The following TAF6 variants were observed in gnomAD, a reference collection of about 807,000 sequenced individuals.
The protein encoded by TAF6 is TATA-box binding protein associated factor 6.
Under a neutral mutation model 73.5 loss-of-function variants are expected in TAF6, and 50 were observed. That is an observed-to-expected ratio of 0.68 (90% CI 0.54 to 0.86). TAF6 has a LOEUF of 0.86. Among genes scored for constraint, TAF6 ranks in the 40% least tolerant of loss-of-function variants. TAF6 has a pLI of 0.00. For synonymous variants in TAF6, 424 were observed against 376.7 expected (o/e 1.13, Z -1.45); for missense variants, 768 against 899.5 (o/e 0.85, Z 1.87).
Position 100,110,272 on chromosome 7 carries a change from G to C in TAF6, c.1086C>G (p.Ser362Arg), listed in dbSNP as rs1304456108. The change falls in exon 11 of 15, where the codon AGC becomes AGG. Residue 362 changes from serine to arginine, a missense_variant and splice_region_variant. Around this residue, in one of 5 missense-constraint regions of TAF6, gnomAD observed 69 missense variants for 105.4 expected, o/e 0.65. Coordinates refer to ENST00000453269, the MANE Select transcript of TAF6 (RefSeq NM_139315.3). ...QSRITKTFTK[S>R]WVDEKTPWTT... ...TCCAGGGCGTCTTCTCGTCCACCCA[G>C]CTCTGTAAGGGGAAGGAAATAAACT... 6.2e-7 allele frequency: 1 copy of C among 1,613,986 alleles called. No homozygotes were observed. The highest frequency in any genetic ancestry group is 8.5e-7 in the Non-Finnish European group (1 of 1,179,924).
upstream of TAF6, chr7:100,122,209 C>T (rs1798092370): frequency 5.6e-6 from 9 of 1,608,456 alleles, no homozygotes; most frequent in Non-Finnish European, 6.8e-6. Flanking sequence ...GAATGAATGG[C>T]TGGTGTGTTT....
chr7:100,122,675 A>G, upstream of TAF6: 2 of 1,516,752 alleles, frequency 1.3e-6, no homozygotes, highest in South Asian at 1.2e-5. Context: ...TCTCACCATC[A>G]TGGAACTCAC....
upstream of TAF6, chr7:100,121,114 ATATTTTTTTTTTTTTTTTT>A (rs1798045111): frequency 1.9e-4 from 6 of 31,150 alleles, no homozygotes; most frequent in South Asian, 1.2e-3. Context: ...ATATATATAT[ATATTTTTTTTTTTTTTTTT>A]TTTTTTTTTT....
chr7:100,115,832 G>A (rs534835836), intron 1 of TAF6, among the ~76,000 whole-genome samples: 44 of 151,286 alleles, frequency 2.9e-4, no homozygotes, highest in Non-Finnish European at 4.9e-4. Flanking sequence ...CTAGCTTGGC[G>A]TGGTGGCACG....
Position 100,108,522 on chromosome 7 carries a change from G to A in TAF6, c.1303C>T (p.Leu435=). 1 of 1,610,720 alleles carries A rather than the reference G, an allele frequency of 6.2e-7. No individual in the cohort carries two copies. Residue 435 remains leucine, a synonymous_variant, in exon 13 of 15, where the codon CTG becomes TTG. Transcript: ENST00000453269. The part of the protein sequence containing the change: ...SLLLKHCAPV[L]AKLRPPPDNQ... ...TCAGGCGGTGGGCGCAGCTTTGCCAGAACAGGAGCACAGTGTTTCTGCAGA... is the reference window on the plus strand; with the variant it reads ...TCAGGCGGTGGGCGCAGCTTTGCCAAAACAGGAGCACAGTGTTTCTGCAGA...
At chr7:100,111,361 TTGTC>T (rs780226238) in intron 9 of TAF6, 40 bp from the exon 10 acceptor site, 1 of 1,594,486 alleles carries the variant, frequency 6.3e-7, no homozygotes. Context: ...CTGGTTTTGT[TTGTC>T]TGCTTGAGAT....
intron 13 of TAF6, 72 bp from the exon 14 acceptor site, chr7:100,108,195 G>A (rs1252847629): frequency 4.0e-6 from 6 of 1,483,284 alleles, no homozygotes; most frequent in Non-Finnish European, 5.4e-6. Flanking sequence ...AGAGGCCTGG[G>A]CTCCCCTCGC....
chr7:100,111,326 G>A lies in TAF6; in HGVS notation c.901-5C>T, dbSNP rs761107012. 6.2e-7 allele frequency: 1 copy of A among 1,610,138 alleles called. No homozygotes were observed. The highest frequency in any genetic ancestry group is 1.1e-5 in the South Asian group (1 of 91,002). On this transcript the variant is annotated splice_region_variant and splice_polypyrimidine_tract_variant and intron_variant, in intron 9 of 14. Transcript: ENST00000453269. ...AGCTGGAATCAGCTCATGGACCTAA[G>A]GGAGAAAGGGCGGGACAGCTGATTC...
chr7:100,122,338 G>C (rs375260951), upstream of TAF6: 10 of 1,614,064 alleles, frequency 6.2e-6, no homozygotes, highest in African/African-American at 9.3e-5. Flanking sequence ...AGCTGGGGCA[G>C]GTGCTGGATA....
chr7:100,121,088 T>TATATA (rs1798027464), upstream of TAF6: 1 of 41,472 alleles, frequency 2.4e-5, no homozygotes. Context: ...ATTGTATTAA[T>TATATA]TTTATATATA....
chr7:100,121,532 C>A (rs1162705474), upstream of TAF6: 3 of 151,978 alleles, frequency 2.0e-5, no homozygotes, highest in African/African-American at 7.2e-5. Context: ...ACTGCAACCT[C>A]CACCTCCTGG....
upstream of TAF6, among the ~76,000 whole-genome samples, chr7:100,124,199 T>C (rs1002781849): frequency 6.6e-6 from 1 of 151,766 alleles, no homozygotes. Context: ...GAGCACCTAC[T>C]GTGTCCCAGA....
In TAF6 at chr7:100,107,907, G is replaced by C; in HGVS notation, c.1656+19C>G. Reference sequence around the variant, plus strand: ...AACCCAGGCCCTCCAGATGCTCCCTGTCCCACAGCTCTGCATACCTGCTGG... The same window carrying C: ...AACCCAGGCCCTCCAGATGCTCCCTCTCCCACAGCTCTGCATACCTGCTGG... On this transcript the variant is annotated intron_variant, in intron 14 of 14. Transcript: ENST00000453269. 1 of 1,589,182 alleles carries C rather than the reference G, an allele frequency of 6.3e-7. No individual in the cohort carries two copies.
intron 6 of TAF6, among the ~76,000 whole-genome samples, chr7:100,112,477 C>A (rs1797278580): frequency 6.6e-6 from 1 of 152,162 alleles, no homozygotes; most frequent in Non-Finnish European, 1.5e-5. Flanking sequence ...CTTTGGGAGG[C>A]CAAGGCGGGC....
upstream of TAF6, among the ~76,000 whole-genome samples, chr7:100,120,752 C>G (rs891926681): frequency 2.6e-5 from 4 of 152,160 alleles, no homozygotes; most frequent in African/African-American, 7.2e-5. Flanking sequence ...GCCAACGGGC[C>G]TGGGCACAGT....
At chr7:100,126,096 G>T in the TAF6 span, among the ~76,000 whole-genome samples, 4 of 152,220 alleles carry the variant, frequency 2.6e-5, no homozygotes, top group Non-Finnish European at 4.4e-5. Context: ...TGAGGCAGAA[G>T]AATGGCGGGA....
intron 5 of TAF6, 148 bp downstream of exon 5, chr7:100,113,201 G>C: frequency 2.4e-6 from 2 of 836,696 alleles, no homozygotes; most frequent in Non-Finnish European, 3.6e-6. Flanking sequence ...AGGAGGCACA[G>C]GTTTGCAGTG....
chr7:100,121,114 A>ATT (rs1798043118), upstream of TAF6: 14 of 31,150 alleles, frequency 4.5e-4, no homozygotes, highest in African/African-American at 8.6e-4. Flanking sequence ...ATATATATAT[A>ATT]TATTTTTTTT....
chr7:100,113,523 C>A, intron 4 of TAF6, 93 bp downstream of exon 4: 1 of 1,550,310 alleles, frequency 6.5e-7, no homozygotes, highest in Non-Finnish European at 8.7e-7. Flanking sequence ...GGATCTCACA[C>A]TGAGCTTTTC....
Sources: gnomAD v4.1 joint callset for allele counts (sites outside exome capture counted in the v4.1 genomes callset) on GRCh38, gnomAD v4.1.1 for gene constraint, gnomAD v4.1.1 regional missense constraint, MANE v1.5 for transcripts, NCBI Gene and HGNC (gene_info 2026-07-23, HGNC 2026-07-21) for gene names.